PCBP3: variants seen among roughly 807,000 people sequenced by gnomAD.
PCBP3 encodes the protein poly(rC) binding protein 3.
PCBP3 carries 25 observed loss-of-function variants against 52.7 expected under a neutral mutation model. That is an observed-to-expected ratio of 0.47 (90% CI 0.35 to 0.66). PCBP3 has a LOEUF of 0.66. Ranked by LOEUF, PCBP3 falls within the 30% of genes least tolerant of loss-of-function variation. The probability of loss-of-function intolerance (pLI) is 0.01; values close to 1 mark genes in which losing one functional copy is unlikely to be tolerated. For missense variants in PCBP3, 391 were observed against 490.3 expected, an observed-to-expected ratio of 0.80 and a Z score of 1.91; for synonymous variants, 162 against 183.0, an observed-to-expected ratio of 0.89 and a Z score of 0.93.
intron 4 of PCBP3, among the ~76,000 whole-genome samples, chr21:45,804,954 G>A (rs557077685): frequency 2.0e-5 from 3 of 152,236 alleles, no homozygotes; most frequent in African/African-American, 7.2e-5. Flanking sequence ...GGCAGGCCCT[G>A]TGCTTTTGTG....
chr21:45,730,101 T>C (rs1780841923), intron 2 of PCBP3, among the ~76,000 whole-genome samples: 1 of 151,826 alleles, frequency 6.6e-6, no homozygotes, highest in Non-Finnish European at 1.5e-5. Flanking sequence ...TGTTTTGCTC[T>C]GTTTTAGTAA....
chr21:45,893,848 C>A, intron 5 of PCBP3: 1 of 985,418 alleles, frequency 1.0e-6, no homozygotes, highest in African/African-American at 1.7e-5. Context: ...GCCTTGGATG[C>A]CAGTGGTCCG....
Position 45,837,995 on chromosome 21 carries a change from G to A in PCBP3, c.-125-11966G>A, listed in dbSNP as rs78359399. The stretch of plus-strand genomic sequence containing the variant: ...GATTCATCTATGTGGAATAACGTTT[G>A]CCTCATCCACTAGGGCTGTTTGGTT... On this transcript the variant is annotated intron_variant, in intron 4 of 17. Coordinates refer to ENST00000681687, the MANE Select transcript of PCBP3 (RefSeq NM_001384156.1). This position sits in a 1 kb window ranked among gnomAD's most constrained non-coding sequence, Gnocchi z 4.1. Among the ~76,000 whole-genome samples the A allele has an allele frequency of 3.4e-3, 520 of 152,338 alleles. 2 individuals are homozygous for A. The highest frequency in any genetic ancestry group is 0.011 in the African/African-American group (464 of 41,570).
intron 2 of PCBP3, among the ~76,000 whole-genome samples, chr21:45,683,267 A>G (rs2081959006): frequency 6.6e-6 from 1 of 152,176 alleles, no homozygotes; most frequent in Admixed American, 6.5e-5. Context: ...AATAGGGCAA[A>G]ATCCACATTG....
At chr21:45,825,544 TC>T (rs2093284528) in intron 4 of PCBP3, among the ~76,000 whole-genome samples, 1 of 152,154 alleles carries the variant, frequency 6.6e-6, no homozygotes, top group Non-Finnish European at 1.5e-5. Flanking sequence ...CTCAACAGGC[TC>T]CTCCCTCCCA....
At chr21:45,753,922 A>G (rs572656798) in intron 3 of PCBP3, among the ~76,000 whole-genome samples, 2 of 152,292 alleles carry the variant, frequency 1.3e-5, no homozygotes, top group African/African-American at 4.8e-5. Context: ...ATTTACTCAT[A>G]TCTCACCACA....
chr21:45,844,726 T>C (rs1367894574), intron 4 of PCBP3, among the ~76,000 whole-genome samples: 1 of 152,030 alleles, frequency 6.6e-6, no homozygotes, highest in Non-Finnish European at 1.5e-5. Flanking sequence ...GGGTCCAAAC[T>C]CTGGTACATA....
intron 13 of PCBP3, among the ~76,000 whole-genome samples, chr21:45,924,372 A>G (rs2075026637): frequency 7.7e-6 from 1 of 129,602 alleles, no homozygotes; most frequent in Admixed American, 7.3e-5. Flanking sequence ...CACCGGGAAC[A>G]GTCGAGTGGA....
chr21:45,742,676 C>T (rs2086543149), intron 3 of PCBP3, among the ~76,000 whole-genome samples: 1 of 152,146 alleles, frequency 6.6e-6, no homozygotes, highest in Non-Finnish European at 1.5e-5. Flanking sequence ...ATTAGAAACA[C>T]CATTTATTCA....
chr21:45,722,778 G>GA (rs1569152000), intron 2 of PCBP3, among the ~76,000 whole-genome samples: 15 of 152,006 alleles, frequency 9.9e-5, no homozygotes, highest in African/African-American at 3.6e-4. Flanking sequence ...AAGTGGGGGT[G>GA]GATCATGAGG....
intron 2 of PCBP3, among the ~76,000 whole-genome samples, chr21:45,714,961 G>A (rs1048834292): frequency 3.6e-4 from 55 of 152,098 alleles, no homozygotes; most frequent in African/African-American, 1.2e-3. Flanking sequence ...AGCAAAACAC[G>A]GTTTAACTGT....
chr21:45,657,464 A>G (rs981957967), intron 1 of PCBP3, among the ~76,000 whole-genome samples: 1 of 152,172 alleles, frequency 6.6e-6, no homozygotes, highest in Non-Finnish European at 1.5e-5. Flanking sequence ...ACCATAAAAT[A>G]TGGGTTTATT....
At chr21:45,666,132 C>T (rs2080778529) in intron 1 of PCBP3, among the ~76,000 whole-genome samples, 2 of 152,152 alleles carry the variant, frequency 1.3e-5, no homozygotes, top group Non-Finnish European at 2.9e-5. Flanking sequence ...ATAATTCAAA[C>T]CATTTATGAA....
chr21:45,937,194 G>A (rs2076976369), intron 16 of PCBP3, among the ~76,000 whole-genome samples: 1 of 152,224 alleles, frequency 6.6e-6, no homozygotes, highest in Admixed American at 6.5e-5. Context: ...TGCTGCCTCA[G>A]CGTTCCTGCA....
intron 4 of PCBP3, among the ~76,000 whole-genome samples, chr21:45,775,676 T>C (rs2090200352): frequency 6.6e-6 from 1 of 152,232 alleles, no homozygotes; most frequent in African/African-American, 2.4e-5. Flanking sequence ...ACACTGCAGC[T>C]CTCAAAGTGC....
At chr21:45,678,133 A>G (rs1191281883) in intron 2 of PCBP3, among the ~76,000 whole-genome samples, 1 of 152,094 alleles carries the variant, frequency 6.6e-6, no homozygotes, top group Non-Finnish European at 1.5e-5. Flanking sequence ...CAAGGTCAGG[A>G]GATCGAGACC....
At chr21:45,933,465 T>C (rs1055007708) in intron 15 of PCBP3, among the ~76,000 whole-genome samples, 14 of 152,372 alleles carry the variant, frequency 9.2e-5, no homozygotes, top group African/African-American at 3.4e-4. Flanking sequence ...CAGGTCTGGC[T>C]CACTCCTCTC....
chr21:45,785,481 C>G (rs1432803305), intron 4 of PCBP3, among the ~76,000 whole-genome samples: 5 of 138,584 alleles, frequency 3.6e-5, no homozygotes, highest in Non-Finnish European at 6.3e-5. Flanking sequence ...GTCAGCCCCC[C>G]GCCTGGCCAG....
intron 1 of PCBP3, among the ~76,000 whole-genome samples, chr21:45,653,637 C>G (rs1046032471): frequency 1.3e-5 from 2 of 151,962 alleles, no homozygotes; most frequent in Non-Finnish European, 2.9e-5. Flanking sequence ...TTAGGTATGT[C>G]TCTTGCAAAG....
Sources: allele counts gnomAD v4.1 joint callset (sites outside exome capture counted in the v4.1 genomes callset), GRCh38; gene constraint gnomAD v4.1.1; non-coding constraint Gnocchi (gnomAD v3.1); transcripts MANE v1.5; gene names NCBI Gene and HGNC (gene_info 2026-07-23, HGNC 2026-07-21).